PADI2: variants seen among roughly 807,000 people sequenced by gnomAD.
PADI2 encodes protein-arginine deiminase type-2.
PADI2 carries 70 observed loss-of-function variants against 81.1 expected under a neutral mutation model. That is an observed-to-expected ratio of 0.86 (90% CI 0.71 to 1.05). The LOEUF (loss-of-function observed/expected upper bound fraction) is 1.05. Ranked by LOEUF, PADI2 falls within the 50% of genes least tolerant of loss-of-function variation. The pLI, the probability that PADI2 is intolerant of heterozygous loss-of-function variation, is 0.00. For synonymous variants in PADI2, 338 were observed against 358.0 expected, an observed-to-expected ratio of 0.94 and a Z score of 0.63; for missense variants, 853 against 889.9, an observed-to-expected ratio of 0.96 and a Z score of 0.53.
intron 2 of PADI2, among the ~76,000 whole-genome samples, chr1:17,104,195 C>A (rs1268489718): frequency 6.6e-6 from 1 of 150,802 alleles, no homozygotes; most frequent in Non-Finnish European, 1.5e-5. Flanking sequence ...GAGGCTGAGG[C>A]AGGAGAATGG....
intron 2 of PADI2, 23 bp from the exon 3 acceptor site, chr1:17,103,082 G>A: frequency 6.4e-7 from 1 of 1,562,152 alleles, no homozygotes; most frequent in Non-Finnish European, 8.8e-7. Context: ...GGGGCACATT[G>A]GAGTAGAGAG....
At chr1:17,088,925 A>AAAAAAAC (rs1553182382) in intron 6 of PADI2, among the ~76,000 whole-genome samples, 12,759 of 82,516 alleles carry the variant, frequency 0.15, 1,135 homozygotes, top group African/African-American at 0.18. Flanking sequence ...AAAAAAAAAA[A>AAAAAAAC]AAAAAACCAA....
rs138052296 is a variant in PADI2, at chr1:17,069,220, C to G, written c.1822G>C (p.Val608Leu). The part of the protein sequence containing the change: ...LGIPKPFGPQ[V>L]EEECCLEMHV... ...ATCTCCAGGCAGCATTCCTCCTCAA[C>G]CTGTGGCCCGAATGGCTTGGGGATG... is the stretch of plus-strand genomic sequence containing the variant. Residue 608 changes from valine (V) to leucine (L), a missense_variant, in exon 16 of 16, where the codon GTT becomes CTT. Coordinates refer to ENST00000375486, the MANE Select transcript of PADI2 (RefSeq NM_007365.3). 1.2e-6 allele frequency: 2 copies of G among 1,614,108 alleles called. No homozygotes were observed. The highest frequency in any genetic ancestry group is 2.2e-5 in the South Asian group (2 of 91,090).
chr1:17,104,000 A>C (rs774935699), intron 2 of PADI2, among the ~76,000 whole-genome samples: 14 of 151,528 alleles, frequency 9.2e-5, no homozygotes, highest in Non-Finnish European at 1.6e-4. Flanking sequence ...ACAAACAAAC[A>C]GGCCGGCCGC....
rs1468017905 is a variant in PADI2 at position 17,079,393 on chromosome 1, G to A, written c.1181C>T (p.Thr394Ile). The A allele has an allele frequency of 8.1e-6, 13 of 1,613,834 alleles. No individual in the cohort carries two copies. The Admixed American group carries it at 1.8e-4, about 23-fold the overall frequency. The change falls in exon 11 of 16, where the codon ACC becomes ATC. Residue 394 changes from threonine (T) to isoleucine (I), a missense_variant. Thr to Ile is a moderately conservative substitution (Grantham distance 89, BLOSUM62 -1). Coordinates refer to ENST00000375486, the MANE Select transcript of PADI2 (RefSeq NM_007365.3). ...ELLGPDFGYV[T>I]REPLFESVTS... ...GACAGACTCAAAGAGGGGCTCCCGG[G>A]TCACGTAGCCAAAATCTGGGCCCTA...
At chr1:17,100,177 A>G (rs1931092662) in intron 3 of PADI2, among the ~76,000 whole-genome samples, 1 of 152,248 alleles carries the variant, frequency 6.6e-6, no homozygotes, top group Admixed American at 6.5e-5. Context: ...GTGGTCCCCA[A>G]GGGAAACCAG....
At chr1:17,118,186 G>A (rs1159875839) in intron 1 of PADI2, among the ~76,000 whole-genome samples, 3 of 152,104 alleles carry the variant, frequency 2.0e-5, no homozygotes, top group Admixed American at 6.5e-5. Flanking sequence ...GTGTCAGGAT[G>A]ATTTGAGAGC....
chr1:17,115,441 G>A lies in PADI2; in HGVS notation c.92+3839C>T, dbSNP rs1342770347. On this transcript the variant is annotated intron_variant, in intron 1 of 15. Transcript: ENST00000375486. This position sits in a 1 kb window ranked among gnomAD's most constrained non-coding sequence, Gnocchi z 4.1. ...AGGAAAAGAAGAGCCCTGCCTTCTC[G>A]AGAACTCTCACTGACAGAGGCATAA... is the stretch of plus-strand genomic sequence containing the variant. Among the ~76,000 whole-genome samples the A allele has an allele frequency of 1.3e-5, 2 of 152,210 alleles. No homozygotes were observed. Among genetic ancestry groups the A allele is most frequent in the Non-Finnish European group, 2.9e-5 (2 of 68,034 alleles).
intron 13 of PADI2, among the ~76,000 whole-genome samples, chr1:17,073,949 C>T (rs902797431): frequency 3.3e-5 from 5 of 152,184 alleles, no homozygotes; most frequent in Non-Finnish European, 5.9e-5. Context: ...GACTGACAAC[C>T]ACGATGTCTG....
intron 5 of PADI2, among the ~76,000 whole-genome samples, chr1:17,092,848 C>T (rs927065852): frequency 1.3e-5 from 2 of 149,360 alleles, no homozygotes; most frequent in East Asian, 2.0e-4. Context: ...ACTCAGGAGG[C>T]TGAGGCAGGA....
At position 17,068,422 on chromosome 1, in the gene PADI2, G is replaced by A. The variant is rs767406219; in HGVS notation, c.*622C>T. Reference sequence around the variant, plus strand: ...TGCTCAGATGAAATGTTTCCAGGAAGGTTCTAAGCTAACTTACTGGACCCT... The same window carrying A: ...TGCTCAGATGAAATGTTTCCAGGAAAGTTCTAAGCTAACTTACTGGACCCT... On this transcript the variant is annotated 3_prime_UTR_variant, in exon 16 of 16. Coordinates refer to ENST00000375486, the MANE Select transcript of PADI2 (RefSeq NM_007365.3). The A allele has an allele frequency of 1.7e-4, 26 of 152,862 alleles. No individual in the cohort carries two copies. Among genetic ancestry groups the A allele is most frequent in the Non-Finnish European group, 3.2e-4 (22 of 68,542 alleles). 9.5% of individuals were successfully genotyped at this position (152,862 alleles called of 1,614,324 possible). A position where few individuals can be genotyped will look rare whatever the true frequency, so the allele number is the denominator to read the frequency against.
Position 17,117,525 on chromosome 1 carries a change from T to G in PADI2, c.92+1755A>C, listed in dbSNP as rs538267822. 5.3e-5 allele frequency among the ~76,000 whole-genome samples: 8 copies of G among 152,184 alleles called. 1 individual carries two copies. Among genetic ancestry groups the G allele is most frequent in the Middle Eastern group, 3.4e-3 (1 of 294 alleles). On this transcript the variant is annotated intron_variant, in intron 1 of 15. Transcript: ENST00000375486. ...GAGAACCTTAAGTGCCGGTGGGGGT[T>G]AGGGTCTTTGTGGTCGTTGAGACAG...
chr1:17,074,275 C>T (rs1195641632), intron 13 of PADI2, among the ~76,000 whole-genome samples: 1 of 151,852 alleles, frequency 6.6e-6, no homozygotes, highest in Non-Finnish European at 1.5e-5. Flanking sequence ...GCCTGTAATC[C>T]CAGCTACTTG....
intron 13 of PADI2, among the ~76,000 whole-genome samples, chr1:17,073,704 C>A (rs1253069667): frequency 6.6e-6 from 1 of 152,042 alleles, no homozygotes; most frequent in African/African-American, 2.4e-5. Context: ...TACCCCAAAT[C>A]ACACAATACA....
At position 17,074,883 on chromosome 1, in the gene PADI2, C is replaced by T. The variant is rs368695252; in HGVS notation, c.1522G>A (p.Gly508Ser). 2.5e-5 allele frequency: 41 copies of T among 1,612,592 alleles called. No homozygotes were observed. Among genetic ancestry groups the T allele is most frequent in the South Asian group, 1.4e-4 (13 of 90,862 alleles). ...YKLFREKQKD[G>S]HGEAIMFKGL... is the part of the protein sequence containing the mutation. ...TTGAACATGATGGCCTCTCCATGGC[C>T]GTCCTTCTGCTTCTCTCGGAAGAGC... The change falls in exon 13 of 16, where the codon GGC (glycine) becomes AGC (serine). Residue 508 changes from glycine (G) to serine (S), a missense_variant. Transcript: ENST00000375486.
rs147747254 is a variant in PADI2 at position 17,086,629 on chromosome 1, C to T, written c.726G>A (p.Thr242=). The T allele has an allele frequency of 1.2e-4, 201 of 1,614,056 alleles. No individual in the cohort carries two copies. The African/African-American group carries it at 2.1e-3, about 17-fold the overall frequency. Residue 242 remains threonine, a synonymous_variant, in exon 7 of 16, where the codon ACG becomes ACA. Coordinates refer to ENST00000375486, the MANE Select transcript of PADI2 (RefSeq NM_007365.3). ...RRKLYHVVKY[T]GGSAELLFFV... is the part of the protein sequence containing the mutation. Reference sequence around the variant, plus strand: ...AGAACAGCAGCTCCGCGGAGCCACCCGTGTACTTGACCACATGGTAGAGCT... The same window carrying T: ...AGAACAGCAGCTCCGCGGAGCCACCTGTGTACTTGACCACATGGTAGAGCT...
chr1:17,074,929 G>A lies in PADI2; in HGVS notation c.1476C>T (p.Ala492=). Residue 492 remains alanine (A), a synonymous_variant, in exon 13 of 16, where the codon GCC becomes GCT. Transcript: ENST00000375486. ...AGAGCTTGTAGCAGGCCGAGGTGCT[G>A]GCCATGAGTAGCAGGAATTTCTGCA... is the stretch of plus-strand genomic sequence containing the variant. The part of the protein sequence containing the change: ...PGTKKFLLLM[A]STSACYKLFR... The A allele has an allele frequency of 1.2e-6, 2 of 1,612,480 alleles. No individual in the cohort carries two copies. Among genetic ancestry groups the A allele is most frequent in the Non-Finnish European group, 1.7e-6 (2 of 1,179,084 alleles).
intron 1 of PADI2, among the ~76,000 whole-genome samples, chr1:17,107,330 C>T (rs1931417297): frequency 6.6e-6 from 1 of 152,290 alleles, no homozygotes; most frequent in East Asian, 1.9e-4. Context: ...GATCCAGTCT[C>T]TGGAGAGGCT....
intron 11 of PADI2, among the ~76,000 whole-genome samples, chr1:17,076,137 G>A (rs553347116): frequency 2.0e-5 from 3 of 152,302 alleles, no homozygotes; most frequent in Middle Eastern, 3.4e-3. Flanking sequence ...CCTGCTGGAC[G>A]GGGCTAGGGC....
Sources: allele counts gnomAD v4.1 joint callset (sites outside exome capture counted in the v4.1 genomes callset), GRCh38; gene constraint gnomAD v4.1.1; non-coding constraint Gnocchi (gnomAD v3.1); transcripts MANE v1.5; gene names NCBI Gene and HGNC (gene_info 2026-07-23, HGNC 2026-07-21).